CD109: variants seen among roughly 807,000 people sequenced by gnomAD.
CD109 encodes the protein CD109 molecule, also known as CD109 antigen.
CD109 carries 149 observed loss-of-function variants against 165.8 expected under a neutral mutation model. The observed-to-expected ratio is 0.90, with a 90% confidence interval of 0.79 to 1.03. The LOEUF (loss-of-function observed/expected upper bound fraction) is 1.03, where lower values mean the gene tolerates loss of function less well. CD109 is among the 50% of genes least tolerant of loss of function. The pLI is 0.00. For missense variants in CD109, 1,712 were observed against 1,677.8 expected (o/e 1.02, Z -0.36); for synonymous variants, 585 against 592.1 (o/e 0.99, Z 0.18).
chr6:73,789,535 G>A lies in CD109; in HGVS notation c.2701+923G>A, dbSNP rs1289593290. Among the ~76,000 whole-genome samples, 6 of 149,324 alleles carry A rather than the reference G, an allele frequency of 4.0e-5. No homozygotes were observed. In the South Asian group the frequency reaches 1.1e-3, roughly 27 times the overall value. On this transcript the variant is annotated intron_variant, in intron 22 of 32. Transcript: ENST00000287097. ...GTGGCGCGAACTTGGCTCACTGCAA[G>A]CTCTGCTTCCCAGGTTCACGCCATT...
intron 20 of CD109, among the ~76,000 whole-genome samples, chr6:73,786,196 G>C (rs988090115): frequency 1.3e-5 from 2 of 152,082 alleles, no homozygotes; most frequent in African/African-American, 2.4e-5. Flanking sequence ...TTGGATTCAC[G>C]TACCTTGTAT....
At chr6:73,790,894 G>T (rs756412579) in intron 22 of CD109, among the ~76,000 whole-genome samples, 4 of 151,862 alleles carry the variant, frequency 2.6e-5, no homozygotes, top group Non-Finnish European at 4.4e-5. Flanking sequence ...CACTTAAGTT[G>T]ACACACAAAA....
Position 73,791,219 on chromosome 6 carries a change from A to ATATATATATG in CD109, c.2702-1405_2702-1404insTATATATGTA, listed in dbSNP as rs1582166345. On this transcript the variant is annotated intron_variant, in intron 22 of 32. Transcript: ENST00000287097. ...TATATATATATATATATATATATAT[A>ATATATATATG]TAATTTTTTTTTGGAAGAGGCAGGG... is the stretch of plus-strand genomic sequence containing the variant. 3.6e-4 allele frequency among the ~76,000 whole-genome samples: 32 copies of ATATATATATG among 87,698 alleles called. 1 individual carries two copies. The East Asian group carries it at 9.1e-3, about 25-fold the overall frequency. 57.5% of individuals were successfully genotyped at this position (87,698 alleles called of 152,430 possible).
intron 2 of CD109, among the ~76,000 whole-genome samples, chr6:73,722,700 C>A (rs906467532): frequency 6.6e-6 from 1 of 152,056 alleles, no homozygotes; most frequent in African/African-American, 2.4e-5. Context: ...ACCATTTTTC[C>A]CCTTGAAATA....
chr6:73,746,814 C>A (rs562048122), intron 5 of CD109, among the ~76,000 whole-genome samples: 3 of 152,076 alleles, frequency 2.0e-5, no homozygotes, highest in Non-Finnish European at 2.9e-5. Flanking sequence ...AGGTATAGAC[C>A]AGCTTCAGTT....
intron 31 of CD109, among the ~76,000 whole-genome samples, chr6:73,819,368 G>A (rs560289422): frequency 6.6e-6 from 1 of 151,504 alleles, no homozygotes; most frequent in South Asian, 2.1e-4. Context: ...GGAAAGGTAA[G>A]TGAAGAATTC....
At chr6:73,693,486 C>T (rs1770722957), upstream of CD109, among the ~76,000 whole-genome samples, 1 of 152,204 alleles carries the variant, frequency 6.6e-6, no homozygotes, top group African/African-American at 2.4e-5. Context: ...ATTTCAGCAT[C>T]AGCTTTGGGC....
chr6:73,710,560 T>G (rs921298037), intron 2 of CD109, among the ~76,000 whole-genome samples: 9 of 152,138 alleles, frequency 5.9e-5, no homozygotes, highest in African/African-American at 2.2e-4. Flanking sequence ...TTTAAAACAT[T>G]TATCACAATG....
At chr6:73,710,692 A>G (rs1020021878) in intron 2 of CD109, among the ~76,000 whole-genome samples, 2 of 152,120 alleles carry the variant, frequency 1.3e-5, no homozygotes, top group African/African-American at 2.4e-5. Flanking sequence ...CTCCCTGCTG[A>G]TGACTCATTT....
chr6:73,822,353 T>G, intron 32 of CD109, among the ~76,000 whole-genome samples: 1 of 152,232 alleles, frequency 6.6e-6, no homozygotes, highest in East Asian at 1.9e-4. Context: ...TGAGATGAAC[T>G]TGTTCCCATT....
At chr6:73,759,399 C>T (rs1411699473) in intron 7 of CD109, among the ~76,000 whole-genome samples, 1 of 151,728 alleles carries the variant, frequency 6.6e-6, no homozygotes, top group African/African-American at 2.4e-5. Flanking sequence ...TGGTCTTGAA[C>T]TCCTGGCCTC....
At chr6:73,745,396 TG>T (rs1158199807) in intron 5 of CD109, among the ~76,000 whole-genome samples, 11 of 152,194 alleles carry the variant, frequency 7.2e-5, no homozygotes, top group African/African-American at 2.4e-4. Flanking sequence ...TGAGTCATCA[TG>T]CCTGGCCAGC....
At chr6:73,785,853 T>C (rs1204106426) in intron 20 of CD109, among the ~76,000 whole-genome samples, 1 of 151,888 alleles carries the variant, frequency 6.6e-6, no homozygotes, top group South Asian at 2.1e-4. Flanking sequence ...TTTGTTTTTT[T>C]TTTTTTTTTG....
At chr6:73,680,416 A>C in the CD109 span, among the ~76,000 whole-genome samples, 2 of 152,316 alleles carry the variant, frequency 1.3e-5, no homozygotes, top group South Asian at 4.1e-4. Flanking sequence ...GGGTGGAGAA[A>C]TTGCCCCTAA....
At chr6:73,773,598 T>C (rs1774127780) in intron 15 of CD109, among the ~76,000 whole-genome samples, 2 of 152,164 alleles carry the variant, frequency 1.3e-5, no homozygotes, top group Admixed American at 1.3e-4. Flanking sequence ...TTACAAACTG[T>C]ACCCATATTA....
chr6:73,812,356 C>T, intron 29 of CD109, 86 bp downstream of exon 29: 1 of 824,044 alleles, frequency 1.2e-6, no homozygotes, highest in Non-Finnish European at 1.9e-6. Context: ...TCTTAGATAA[C>T]TTGAATATAA....
At chr6:73,713,116 T>C (rs1316388424) in intron 2 of CD109, among the ~76,000 whole-genome samples, 2 of 152,238 alleles carry the variant, frequency 1.3e-5, no homozygotes, top group South Asian at 2.1e-4. Flanking sequence ...TTTTATGTTT[T>C]GGTTGTGTAA....
intron 27 of CD109, among the ~76,000 whole-genome samples, chr6:73,810,519 A>G (rs867433314): frequency 2.6e-5 from 4 of 151,960 alleles, no homozygotes; most frequent in Admixed American, 6.6e-5. Flanking sequence ...AGTTCCATAT[A>G]GCAAATATTT....
intron 23 of CD109, among the ~76,000 whole-genome samples, chr6:73,801,624 A>T (rs1049697832): frequency 6.6e-6 from 1 of 152,210 alleles, no homozygotes; most frequent in Non-Finnish European, 1.5e-5. Flanking sequence ...AGACTCAGGG[A>T]GAAGTTTGGG....
Sources: gnomAD v4.1 joint callset for allele counts (sites outside exome capture counted in the v4.1 genomes callset) on GRCh38, gnomAD v4.1.1 for gene constraint, MANE v1.5 for transcripts, NCBI Gene and HGNC (gene_info 2026-07-23, HGNC 2026-07-21) for gene names.